The following GRIK2 variants were observed in gnomAD, a reference collection of about 807,000 sequenced individuals.
The protein encoded by GRIK2 is glutamate receptor ionotropic, kainate 2.
Under a neutral mutation model 100.3 loss-of-function variants are expected in GRIK2, and 32 were observed. That is an observed-to-expected ratio of 0.32 (90% CI 0.24 to 0.43). The LOEUF is 0.43. Among genes scored for constraint, GRIK2 ranks in the 20% least tolerant of loss-of-function variants. GRIK2 has a pLI of 1.00. For synonymous variants in GRIK2, 417 were observed against 389.4 expected, an observed-to-expected ratio of 1.07 and a Z score of -0.83; for missense variants, 843 against 1,114.9, an observed-to-expected ratio of 0.76 and a Z score of 3.47.
At chr6:101,832,729 T>G (rs1479885364) in intron 10 of GRIK2, among the ~76,000 whole-genome samples, 1 of 152,200 alleles carries the variant, frequency 6.6e-6, no homozygotes, top group East Asian at 1.9e-4. Flanking sequence ...TTTCATTTTT[T>G]TAAAATCTTG....
intron 2 of GRIK2, among the ~76,000 whole-genome samples, chr6:101,573,451 C>A (rs1282104596): frequency 6.6e-6 from 1 of 152,154 alleles, no homozygotes; most frequent in African/African-American, 2.4e-5. Flanking sequence ...CCTTGAGATA[C>A]ACATTCCTCT....
intron 12 of GRIK2, among the ~76,000 whole-genome samples, chr6:101,897,083 A>T (rs183228330): frequency 4.8e-4 from 73 of 151,498 alleles, no homozygotes; most frequent in Non-Finnish European, 9.2e-4. Context: ...CGTATAAAAA[A>T]TTTTTTTAAA....
intron 2 of GRIK2, among the ~76,000 whole-genome samples, chr6:101,421,705 G>A (rs1365211201): frequency 2.0e-5 from 3 of 152,076 alleles, no homozygotes; most frequent in African/African-American, 7.2e-5. Flanking sequence ...AAGGCAGGTT[G>A]AATAAATCCC....
At chr6:101,416,819 ATGT>A (rs778685206) in intron 2 of GRIK2, among the ~76,000 whole-genome samples, 1 of 152,190 alleles carries the variant, frequency 6.6e-6, no homozygotes, top group Admixed American at 6.5e-5. Flanking sequence ...AGACAGACTA[ATGT>A]TGTCATCTAT....
At chr6:101,425,033 G>A (rs1480445601) in intron 2 of GRIK2, among the ~76,000 whole-genome samples, 4 of 151,848 alleles carry the variant, frequency 2.6e-5, no homozygotes, top group African/African-American at 7.3e-5. Flanking sequence ...ACATACATGT[G>A]CAGTGCCACA....
intron 16 of GRIK2, among the ~76,000 whole-genome samples, chr6:102,062,587 T>C (rs1271073226): frequency 6.6e-6 from 1 of 150,662 alleles, no homozygotes; most frequent in Non-Finnish European, 1.5e-5. Flanking sequence ...AATAAAACTT[T>C]TTTTTAAAGA....
intron 2 of GRIK2, among the ~76,000 whole-genome samples, chr6:101,565,915 TTA>T (rs71797313): frequency 0.19 from 22,976 of 123,192 alleles, 2,272 homozygotes; most frequent in Middle Eastern, 0.28. Flanking sequence ...TATACCTATT[TTA>T]TATATATATA....
chr6:101,765,889 T>G (rs59749324), intron 7 of GRIK2, among the ~76,000 whole-genome samples: 3 of 152,130 alleles, frequency 2.0e-5, no homozygotes, highest in African/African-American at 7.2e-5. Context: ...CTACTTAAAC[T>G]TAATTTCTCC....
At chr6:101,775,280 A>C (rs1048466979) in intron 7 of GRIK2, among the ~76,000 whole-genome samples, 1 of 152,118 alleles carries the variant, frequency 6.6e-6, no homozygotes, top group Admixed American at 6.6e-5. Context: ...CATTTATTCA[A>C]ATTCACAGGA....
At chr6:101,463,127 G>A (rs1771425610) in intron 2 of GRIK2, among the ~76,000 whole-genome samples, 1 of 152,008 alleles carries the variant, frequency 6.6e-6, no homozygotes, top group Non-Finnish European at 1.5e-5. Flanking sequence ...ATTAAGTGGA[G>A]CAATATGACA....
At chr6:101,802,233 A>G (rs1780716122) in intron 8 of GRIK2, 98 bp from the exon 9 acceptor site, 6 of 439,306 alleles carry the variant, frequency 1.4e-5, no homozygotes, top group South Asian at 8.2e-5. Context: ...AGCAATGTAA[A>G]CTGAAAAGTA....
chr6:101,587,287 T>G (rs2128305233), intron 2 of GRIK2, among the ~76,000 whole-genome samples: 1 of 151,988 alleles, frequency 6.6e-6, no homozygotes, highest in South Asian at 2.1e-4. Context: ...TGGGGAAAAT[T>G]CCCCAAATGT....
intron 15 of GRIK2, among the ~76,000 whole-genome samples, chr6:102,044,690 G>A (rs1770786036): frequency 6.6e-6 from 1 of 151,936 alleles, no homozygotes; most frequent in African/African-American, 2.4e-5. Flanking sequence ...TGAGATTTGG[G>A]TGGGGACACA....
chr6:101,464,641 C>T (rs1213541713), intron 2 of GRIK2, among the ~76,000 whole-genome samples: 7 of 150,144 alleles, frequency 4.7e-5, no homozygotes, highest in African/African-American at 1.5e-4. Context: ...CTCAGCCTCC[C>T]GAATAGCTGG....
intron 14 of GRIK2, among the ~76,000 whole-genome samples, chr6:102,016,795 A>G (rs1795858355): frequency 6.6e-6 from 1 of 152,040 alleles, no homozygotes; most frequent in African/African-American, 2.4e-5. Context: ...AATATTTCAC[A>G]AGAAGATTAT....
intron 2 of GRIK2, among the ~76,000 whole-genome samples, chr6:101,418,037 C>T (rs149014234): frequency 1.1e-4 from 17 of 152,276 alleles, no homozygotes; most frequent in Non-Finnish European, 1.8e-4. Flanking sequence ...TGACTACTAG[C>T]GTCAGCTTCT....
At position 102,019,485 on chromosome 6, in the gene GRIK2, T is replaced by A. The variant is rs1478911532; in HGVS notation, c.2086-15856T>A. ...CATTCTTACTCAGATGCTCACATTT[T>A]ATCCTGAGTGTTCAAACACCTCTCT... On this transcript the variant is annotated intron_variant, in intron 14 of 16. Transcript: ENST00000369134. Among the ~76,000 whole-genome samples the A allele has an allele frequency of 2.0e-5, 3 of 152,078 alleles. No individual in the cohort carries two copies. The East Asian group carries it at 5.8e-4, about 29-fold the overall frequency.
At chr6:101,693,873 T>A (rs962472770) in intron 7 of GRIK2, among the ~76,000 whole-genome samples, 2 of 152,052 alleles carry the variant, frequency 1.3e-5, no homozygotes, top group Non-Finnish European at 2.9e-5. Flanking sequence ...ACAAGTGGCA[T>A]ATTTTGGGGT....
chr6:101,785,196 T>C (rs564017111), intron 7 of GRIK2, among the ~76,000 whole-genome samples: 76 of 152,294 alleles, frequency 5.0e-4, no homozygotes, highest in African/African-American at 1.8e-3. Context: ...TTCTTTTATA[T>C]TCTGAATATT....
Sources: allele counts gnomAD v4.1 joint callset (sites outside exome capture counted in the v4.1 genomes callset), GRCh38; gene constraint gnomAD v4.1.1; transcripts MANE v1.5; gene names NCBI Gene and HGNC (gene_info 2026-07-23, HGNC 2026-07-21).